LSAMP: variants seen among roughly 807,000 people sequenced by gnomAD.
The protein encoded by LSAMP is limbic system associated membrane protein, also known as limbic system-associated membrane protein.
A neutral mutation model predicts 38.6 loss-of-function variants in LSAMP; 7 were observed. That is an observed-to-expected ratio of 0.18 (90% CI 0.10 to 0.34). The LOEUF is 0.34. Ranked by LOEUF, LSAMP falls within the 10% of genes least tolerant of loss-of-function variation. LSAMP has a pLI of 1.00. For missense variants in LSAMP, 313 were observed against 420.0 expected, an observed-to-expected ratio of 0.75 and a Z score of 2.23; for synonymous variants, 154 against 166.8, an observed-to-expected ratio of 0.92 and a Z score of 0.59.
At chr3:116,405,659 T>G (rs1464844540) in intron 1 of LSAMP, among the ~76,000 whole-genome samples, 1 of 151,640 alleles carries the variant, frequency 6.6e-6, no homozygotes, top group Non-Finnish European at 1.5e-5. Flanking sequence ...GAAAGAAAAA[T>G]AAGAAAGAGG....
intron 3 of LSAMP, among the ~76,000 whole-genome samples, chr3:115,999,982 G>A (rs1169724332): frequency 2.6e-5 from 4 of 152,128 alleles, no homozygotes; most frequent in Non-Finnish European, 4.4e-5. Flanking sequence ...GTGATGCAGG[G>A]GTATGTGTGG....
chr3:115,946,478 G>C (rs1427578551), intron 3 of LSAMP, among the ~76,000 whole-genome samples: 1 of 152,148 alleles, frequency 6.6e-6, no homozygotes, highest in Non-Finnish European at 1.5e-5. Flanking sequence ...GCAGAAAACA[G>C]CTGCTAAGAG....
At chr3:116,115,825 T>C (rs1708729736) in intron 1 of LSAMP, among the ~76,000 whole-genome samples, 1 of 152,080 alleles carries the variant, frequency 6.6e-6, no homozygotes, top group African/African-American at 2.4e-5. Context: ...AGTATGACTT[T>C]TTTTGTTGTT....
intron 3 of LSAMP, among the ~76,000 whole-genome samples, chr3:115,977,226 A>C (rs534837565): frequency 6.6e-6 from 1 of 152,196 alleles, no homozygotes; most frequent in Non-Finnish European, 1.5e-5. Context: ...TATTAAGACC[A>C]ATGGATGAAA....
intron 1 of LSAMP, among the ~76,000 whole-genome samples, chr3:116,282,190 A>T (rs1412354018): frequency 2.0e-5 from 3 of 152,200 alleles, no homozygotes; most frequent in Non-Finnish European, 4.4e-5. Flanking sequence ...TTACAAGGAC[A>T]GAGGGAAAAA....
At chr3:116,320,303 C>G (rs2047690660) in intron 1 of LSAMP, among the ~76,000 whole-genome samples, 1 of 152,098 alleles carries the variant, frequency 6.6e-6, no homozygotes, top group Non-Finnish European at 1.5e-5. Context: ...GTCCTAGCTA[C>G]TCAGGAGCCT....
chr3:116,426,314 C>T (rs956940328), intron 1 of LSAMP, among the ~76,000 whole-genome samples: 7 of 152,020 alleles, frequency 4.6e-5, no homozygotes, highest in Non-Finnish European at 7.4e-5. Context: ...TGGTGAAACC[C>T]CATCTCTACT....
intron 1 of LSAMP, among the ~76,000 whole-genome samples, chr3:116,266,874 A>G (rs555549038): frequency 1.3e-5 from 2 of 152,328 alleles, no homozygotes; most frequent in South Asian, 4.1e-4. Flanking sequence ...CAACACTAAT[A>G]CTAACAATAA....
At chr3:116,382,256 A>C (rs1202264910) in intron 1 of LSAMP, among the ~76,000 whole-genome samples, 1 of 152,088 alleles carries the variant, frequency 6.6e-6, no homozygotes, top group African/African-American at 2.4e-5. Flanking sequence ...AGCCAACCCA[A>C]ATGTCCATCA....
intron 1 of LSAMP, among the ~76,000 whole-genome samples, chr3:116,379,674 G>A (rs1355517841): frequency 6.6e-6 from 1 of 151,680 alleles, no homozygotes; most frequent in Admixed American, 6.6e-5. Flanking sequence ...AAGTCAGAGG[G>A]TACAGAAGAA....
intron 1 of LSAMP, among the ~76,000 whole-genome samples, chr3:116,390,783 G>T (rs1378647660): frequency 2.8e-5 from 4 of 144,842 alleles, no homozygotes; most frequent in Non-Finnish European, 6.0e-5. Context: ...CGTGCTTACA[G>T]TAACAATAAT....
chr3:116,309,379 C>G (rs1258573459), intron 1 of LSAMP, among the ~76,000 whole-genome samples: 1 of 152,004 alleles, frequency 6.6e-6, no homozygotes, highest in Non-Finnish European at 1.5e-5. Flanking sequence ...CTGCACTGTT[C>G]CATATAGTAA....
intron 1 of LSAMP, 58 bp downstream of exon 1, chr3:116,444,808 ACAAACACACAC>A (rs1299413542): frequency 0.15 from 194,508 of 1,261,392 alleles, 7,480 homozygotes; most frequent in African/African-American, 0.29. Context: ...ACACACACAC[ACAAACACACAC>A]ACACACACAC....
At chr3:116,347,030 A>T (rs947241859) in intron 1 of LSAMP, among the ~76,000 whole-genome samples, 1 of 152,210 alleles carries the variant, frequency 6.6e-6, no homozygotes, top group Non-Finnish European at 1.5e-5. Context: ...TCGGTCTATG[A>T]TAAAACACTA....
intron 1 of LSAMP, among the ~76,000 whole-genome samples, chr3:116,241,176 TAA>T (rs201810354): frequency 5.1e-5 from 7 of 138,418 alleles, no homozygotes; most frequent in Admixed American, 7.2e-5. Flanking sequence ...AAACTCCATT[TAA>T]AAAAAAAAAA....
In LSAMP at chr3:115,806,193, C is replaced by T. The variant is rs1383704252; in HGVS notation, c.*4124G>A. 1.3e-5 allele frequency: 2 copies of T among 152,126 alleles called. No homozygotes were observed. Among genetic ancestry groups the T allele is most frequent in the African/African-American group, 2.4e-5 (1 of 41,426 alleles). 9.4% of individuals were successfully genotyped at this position (152,126 alleles called of 1,614,324 possible). A position where few individuals can be genotyped will look rare whatever the true frequency, so the allele number is the denominator to read the frequency against. On this transcript the variant is annotated 3_prime_UTR_variant, in exon 7 of 7. Transcript: ENST00000490035. Reference sequence around the variant, plus strand: ...GGAAAAAGTGGGGCTCTATGTCTTTCTACGTGAGCATAGATTTTCTTTCTA... The same window carrying T: ...GGAAAAAGTGGGGCTCTATGTCTTTTTACGTGAGCATAGATTTTCTTTCTA...
At chr3:116,070,739 TC>T (rs1233058397) in intron 2 of LSAMP, among the ~76,000 whole-genome samples, 5 of 152,116 alleles carry the variant, frequency 3.3e-5, no homozygotes, top group Non-Finnish European at 5.9e-5. Flanking sequence ...TTATGATATC[TC>T]TTTTAAAAAT....
At chr3:116,062,495 G>A (rs752508358) in intron 2 of LSAMP, among the ~76,000 whole-genome samples, 3 of 151,982 alleles carry the variant, frequency 2.0e-5, no homozygotes, top group Admixed American at 6.6e-5. Context: ...CAACTTGGGC[G>A]ACAGAGCGAG....
intron 1 of LSAMP, among the ~76,000 whole-genome samples, chr3:116,110,434 T>G (rs535963688): frequency 1.3e-5 from 2 of 152,138 alleles, no homozygotes; most frequent in Admixed American, 6.5e-5. Flanking sequence ...CTTCCCTGCA[T>G]TGATTAAACA....
Sources: gnomAD v4.1 joint callset for allele counts (sites outside exome capture counted in the v4.1 genomes callset) on GRCh38, gnomAD v4.1.1 for gene constraint, MANE v1.5 for transcripts, NCBI Gene and HGNC (gene_info 2026-07-23, HGNC 2026-07-21) for gene names.